UBR3: variants seen among roughly 807,000 people sequenced by gnomAD.
UBR3 encodes ubiquitin protein ligase E3 component n-recognin 3, also known as E3 ubiquitin-protein ligase UBR3.
In UBR3, 85 loss-of-function variants were observed where a neutral mutation model predicts 243.2. The ratio of observed to expected loss-of-function variants is 0.35; its 90% CI spans 0.29 to 0.42. The LOEUF is 0.42. UBR3 is among the 10% of genes least tolerant of loss of function. UBR3 has a pLI of 1.00. For synonymous variants in UBR3, 748 were observed against 799.8 expected, an observed-to-expected ratio of 0.94 and a Z score of 1.09; for missense variants, 1,686 against 2,300.8, an observed-to-expected ratio of 0.73 and a Z score of 5.47.
chr2:170,083,677 T>C lies in UBR3; in HGVS notation c.*1834T>C, dbSNP rs1489458783. ...GTATTCAGACTTTGATTACTACTTA[T>C]TTAAAATGGAATGTTTTATGGTTGT... On this transcript the variant is annotated 3_prime_UTR_variant, in exon 39 of 39. Coordinates refer to ENST00000272793, the MANE Select transcript of UBR3 (RefSeq NM_172070.4). The C allele has an allele frequency of 6.6e-6, 1 of 152,606 alleles. No homozygotes were observed. The highest frequency in any genetic ancestry group is 1.9e-4 in the East Asian group (1 of 5,196). The allele number at this position is 152,606 out of a possible 1,614,324, so 9.5% of individuals were successfully genotyped here.
At chr2:170,055,008 T>C (rs765230963) in intron 32 of UBR3, among the ~76,000 whole-genome samples, 15 of 152,172 alleles carry the variant, frequency 9.9e-5, no homozygotes, top group Non-Finnish European at 1.9e-4. Context: ...GCAAATATAA[T>C]AGTACATTAT....
chr2:170,075,033 C>CA (rs2091775224), intron 36 of UBR3, among the ~76,000 whole-genome samples: 1 of 151,910 alleles, frequency 6.6e-6, no homozygotes, highest in South Asian at 2.1e-4. Flanking sequence ...ATCAAAGGGA[C>CA]AATAAAAAAT....
At chr2:169,868,182 C>A (rs1417508650) in intron 1 of UBR3, among the ~76,000 whole-genome samples, 1 of 152,102 alleles carries the variant, frequency 6.6e-6, no homozygotes, top group Non-Finnish European at 1.5e-5. Context: ...CCTCATGTAT[C>A]TCTCAGTTTC....
At chr2:169,830,065 A>T (rs937814821) in intron 1 of UBR3, among the ~76,000 whole-genome samples, 5 of 152,092 alleles carry the variant, frequency 3.3e-5, no homozygotes, top group Non-Finnish European at 7.3e-5. Context: ...CTATTTTTTT[A>T]AAAAAACTGC....
chr2:169,854,757 C>T (rs1290207502), intron 1 of UBR3, among the ~76,000 whole-genome samples: 2 of 151,940 alleles, frequency 1.3e-5, no homozygotes, highest in African/African-American at 4.8e-5. Flanking sequence ...TTCAAGCTAA[C>T]ATAGTTATAA....
At chr2:169,919,851 C>T (rs2105342801) in intron 11 of UBR3, among the ~76,000 whole-genome samples, 1 of 152,234 alleles carries the variant, frequency 6.6e-6, no homozygotes, top group East Asian at 1.9e-4. Context: ...AACACTTTTA[C>T]ACTGTTGGTG....
At chr2:169,942,997 G>C (rs2086649133) in intron 20 of UBR3, among the ~76,000 whole-genome samples, 1 of 152,180 alleles carries the variant, frequency 6.6e-6, no homozygotes, top group Admixed American at 6.5e-5. Context: ...GCAGTTATGT[G>C]AGGCAGTGAA....
At chr2:169,849,751 G>A (rs1035863318) in intron 1 of UBR3, among the ~76,000 whole-genome samples, 4 of 152,204 alleles carry the variant, frequency 2.6e-5, no homozygotes, top group African/African-American at 4.8e-5. Flanking sequence ...ACAAAGTCTC[G>A]TATAAAGTAA....
chr2:169,878,788 G>GT (rs1416684931), intron 5 of UBR3, among the ~76,000 whole-genome samples: 1 of 152,150 alleles, frequency 6.6e-6, no homozygotes, highest in African/African-American at 2.4e-5. Context: ...AACGAGGTGT[G>GT]TAACTAGATT....
intron 19 of UBR3, among the ~76,000 whole-genome samples, chr2:169,938,482 G>C (rs1346945301): frequency 6.6e-6 from 1 of 151,932 alleles, no homozygotes; most frequent in African/African-American, 2.4e-5. Context: ...AGGCTGGTTT[G>C]ATCTCTGCAG....
chr2:169,835,128 T>G (rs1441245300), intron 1 of UBR3, among the ~76,000 whole-genome samples: 1 of 4,304 alleles, frequency 2.3e-4, no homozygotes, highest in African/African-American at 2.5e-4. Flanking sequence ...TGAATGTACT[T>G]AATGCCACTA....
Position 169,878,508 on chromosome 2 carries a change from T to C in UBR3, c.989-17T>C, listed in dbSNP as rs2083701799. 1.3e-6 allele frequency: 2 copies of C among 1,549,118 alleles called. No individual in the cohort carries two copies. Among genetic ancestry groups the C allele is most frequent in the South Asian group, 1.2e-5 (1 of 83,436 alleles). On this transcript the variant is annotated splice_polypyrimidine_tract_variant and intron_variant, in intron 4 of 38. Coordinates refer to ENST00000272793, the MANE Select transcript of UBR3 (RefSeq NM_172070.4). The stretch of plus-strand genomic sequence containing the variant: ...GTAGCAACTATGAAGGACAACTATT[T>C]TTCTTCTCCTCCAAAGGTTTCATAG...
rs774617900 is a variant in UBR3, at chr2:170,081,875, T to A, written c.*32T>A. 4 of 1,377,872 alleles carry A rather than the reference T, an allele frequency of 2.9e-6. No homozygotes were observed. In the South Asian group the frequency reaches 5.9e-5, roughly 20 times the overall value. 85.4% of individuals were successfully genotyped at this position (1,377,872 alleles called of 1,614,324 possible). ...ACCTCAGCATTGCATCGTATCATCATTTTCGCTACGAATTTATTTTTCAAC... is the reference window on the plus strand; with the variant it reads ...ACCTCAGCATTGCATCGTATCATCAATTTCGCTACGAATTTATTTTTCAAC... On this transcript the variant is annotated 3_prime_UTR_variant, in exon 39 of 39. Coordinates refer to ENST00000272793, the MANE Select transcript of UBR3 (RefSeq NM_172070.4).
intron 24 of UBR3, among the ~76,000 whole-genome samples, chr2:169,984,266 C>T (rs1410209776): frequency 1.3e-5 from 2 of 152,034 alleles, no homozygotes; most frequent in Non-Finnish European, 2.9e-5. Flanking sequence ...TTGAAATATA[C>T]TCATAATGCA....
At position 169,838,385 on chromosome 2, in the gene UBR3, ATTTGTGTGTG is replaced by A. The variant is rs1364945478; in HGVS notation, c.545+10335_545+10344del. Among the ~76,000 whole-genome samples the A allele has an allele frequency of 5.0e-3, 653 of 131,658 alleles. 10 individuals are homozygous for A. Among genetic ancestry groups the A allele is most frequent in the Middle Eastern group, 0.027 (7 of 262 alleles). 86.4% of individuals were successfully genotyped at this position (131,658 alleles called of 152,430 possible). A position where few individuals can be genotyped will look rare whatever the true frequency, so the allele number is the denominator to read the frequency against. On this transcript the variant is annotated intron_variant, in intron 1 of 38. Transcript: ENST00000272793. ...AAGCTGGGAAGTCCAAGATTAAGGC[ATTTGTGTGTG>A]TGTGTGTGTGTGTGTGTGTGTGTGT...
intron 24 of UBR3, among the ~76,000 whole-genome samples, chr2:169,972,252 T>C (rs2088191129): frequency 6.6e-6 from 1 of 152,168 alleles, no homozygotes; most frequent in South Asian, 2.1e-4. Context: ...TAACAGGAGC[T>C]GCAATTGTGG....
chr2:169,839,811 T>C (rs2082233921), intron 1 of UBR3, among the ~76,000 whole-genome samples: 1 of 152,214 alleles, frequency 6.6e-6, no homozygotes, highest in African/African-American at 2.4e-5. Flanking sequence ...ATCTTAAGGC[T>C]TGAGAATAAT....
intron 8 of UBR3, among the ~76,000 whole-genome samples, chr2:169,902,539 A>G (rs1346875750): frequency 8.8e-6 from 1 of 113,042 alleles, no homozygotes; most frequent in East Asian, 2.5e-4. Context: ...CACCATCACT[A>G]GTTTTATCTG....
intron 31 of UBR3, among the ~76,000 whole-genome samples, chr2:170,030,251 G>A (rs937423204): frequency 8.5e-5 from 13 of 152,064 alleles, no homozygotes; most frequent in South Asian, 8.3e-4. Flanking sequence ...AAGTTGGCCC[G>A]GGTTCGTTTT....
Sources: allele counts gnomAD v4.1 joint callset (sites outside exome capture counted in the v4.1 genomes callset), GRCh38; gene constraint gnomAD v4.1.1; transcripts MANE v1.5; gene names NCBI Gene and HGNC (gene_info 2026-07-23, HGNC 2026-07-21).